Variants in CPNE8 observed in about 807,000 individuals in gnomAD.
CPNE8 encodes the protein copine 8.
In CPNE8, 45 loss-of-function variants were observed where a neutral mutation model predicts 81.5. The observed-to-expected ratio is 0.55, with a 90% CI of 0.44 to 0.71. The LOEUF (loss-of-function observed/expected upper bound fraction) is 0.71, where lower values mean the gene tolerates loss of function less well. Ranked by LOEUF, CPNE8 falls within the 30% of genes least tolerant of loss-of-function variation. The pLI, the probability that CPNE8 is intolerant of heterozygous loss-of-function variation, is 0.00. For missense variants in CPNE8, 594 were observed against 672.1 expected (o/e 0.88, Z 1.28); for synonymous variants, 252 against 226.3 (o/e 1.11, Z -1.02).
chr12:38,872,959 G>C, intron 3 of CPNE8, 45 bp downstream of exon 3: 3 of 1,066,170 alleles, frequency 2.8e-6, no homozygotes, highest in Non-Finnish European at 4.3e-6. Context: ...ATAACTTACT[G>C]TATCTTCAAG....
At chr12:38,819,657 CTCGGG>C in intron 6 of CPNE8, among the ~76,000 whole-genome samples, 1 of 150,896 alleles carries the variant, frequency 6.6e-6, no homozygotes, top group South Asian at 2.1e-4. Flanking sequence ...GTCCCAGCTA[CTCGGG>C]AGGCTGACGC....
intron 10 of CPNE8, among the ~76,000 whole-genome samples, chr12:38,757,762 AACTTAC>A (rs1303212360): frequency 3.3e-5 from 5 of 152,082 alleles, no homozygotes; most frequent in Non-Finnish European, 4.4e-5. Flanking sequence ...AAAGGTATTA[AACTTAC>A]ACTTACAAAA....
In CPNE8 at chr12:38,773,931, T is replaced by C. The variant is rs1325423220; in HGVS notation, c.471+2307A>G. Reference sequence around the variant, plus strand: ...AGGACATAGAAAACATAAGATGAAGTTACACCAAGATTTTAAACAATATTG... The same window carrying C: ...AGGACATAGAAAACATAAGATGAAGCTACACCAAGATTTTAAACAATATTG... On this transcript the variant is annotated intron_variant, in intron 7 of 19. Coordinates refer to ENST00000331366, the MANE Select transcript of CPNE8 (RefSeq NM_153634.3). Among the ~76,000 whole-genome samples, 3 of 152,158 alleles carry C rather than the reference T, an allele frequency of 2.0e-5. No individual in the cohort carries two copies. In the East Asian group the frequency reaches 5.8e-4, roughly 29 times the overall value.
intron 8 of CPNE8, among the ~76,000 whole-genome samples, chr12:38,764,796 T>C (rs1184459877): frequency 6.6e-6 from 1 of 152,088 alleles, no homozygotes; most frequent in Non-Finnish European, 1.5e-5. Context: ...TTCTAATATA[T>C]AGCAAGTCTT....
intron 5 of CPNE8, among the ~76,000 whole-genome samples, chr12:38,838,026 G>T (rs1015249051): frequency 7.9e-5 from 12 of 152,054 alleles, no homozygotes; most frequent in African/African-American, 2.9e-4. Flanking sequence ...CCATGTTTAA[G>T]GTACCTTCCT....
chr12:38,849,359 T>C (rs531805056), intron 3 of CPNE8, among the ~76,000 whole-genome samples: 4 of 152,182 alleles, frequency 2.6e-5, no homozygotes, highest in African/African-American at 9.6e-5. Flanking sequence ...CTCCCAAAGA[T>C]AGAGCACAAA....
At chr12:38,772,748 C>G (rs1758778659) in intron 7 of CPNE8, among the ~76,000 whole-genome samples, 1 of 152,138 alleles carries the variant, frequency 6.6e-6, no homozygotes, top group Non-Finnish European at 1.5e-5. Flanking sequence ...TATGATCCAG[C>G]AATCCCACTT....
chr12:38,899,830 C>T (rs11834267), intron 1 of CPNE8, among the ~76,000 whole-genome samples: 8,052 of 152,118 alleles, frequency 0.053, 686 homozygotes, highest in African/African-American at 0.18. Context: ...TTTGCCAATT[C>T]CCATGGTGTA....
chr12:38,727,704 G>A (rs1373364736), intron 11 of CPNE8, among the ~76,000 whole-genome samples: 1 of 151,766 alleles, frequency 6.6e-6, no homozygotes, highest in East Asian at 1.9e-4. Flanking sequence ...TATAATCTGA[G>A]GCAAGTAAGA....
chr12:38,855,169 A>C (rs2137069594), intron 3 of CPNE8, among the ~76,000 whole-genome samples: 1 of 152,210 alleles, frequency 6.6e-6, no homozygotes, highest in East Asian at 1.9e-4. Context: ...CAAAATACTA[A>C]GGAGTAAATT....
At chr12:38,827,088 G>A (rs1400159017) in intron 6 of CPNE8, among the ~76,000 whole-genome samples, 2 of 147,076 alleles carry the variant, frequency 1.4e-5, no homozygotes, top group East Asian at 4.0e-4. Flanking sequence ...GGCTGAGGCA[G>A]AAGAATCACT....
intron 10 of CPNE8, among the ~76,000 whole-genome samples, chr12:38,745,115 A>G (rs1306107521): frequency 6.6e-6 from 1 of 152,150 alleles, no homozygotes; most frequent in Non-Finnish European, 1.5e-5. Flanking sequence ...GCCTTCCACC[A>G]TATAATCTTG....
At chr12:38,905,215 A>G (rs375065082) in intron 1 of CPNE8, among the ~76,000 whole-genome samples, 17 of 152,244 alleles carry the variant, frequency 1.1e-4, no homozygotes, top group African/African-American at 3.6e-4. Context: ...AGCGTTTCCC[A>G]GAAAGAAAAT....
At chr12:38,781,475 T>C (rs1942051916) in intron 6 of CPNE8, among the ~76,000 whole-genome samples, 1 of 152,050 alleles carries the variant, frequency 6.6e-6, no homozygotes, top group Non-Finnish European at 1.5e-5. Context: ...ACTAATTCTA[T>C]TGAAAATCAG....
At chr12:38,888,125 AGCTCACATACT>A (rs1241090648) in intron 1 of CPNE8, among the ~76,000 whole-genome samples, 1 of 152,208 alleles carries the variant, frequency 6.6e-6, no homozygotes, top group East Asian at 1.9e-4. Context: ...ACCCAACATC[AGCTCACATACT>A]GCTGCCTTCC....
At chr12:38,874,940 C>T (rs191095894) in intron 1 of CPNE8, among the ~76,000 whole-genome samples, 3 of 152,140 alleles carry the variant, frequency 2.0e-5, no homozygotes, top group Admixed American at 6.5e-5. Flanking sequence ...CACGTTAGTC[C>T]ATATAATTAG....
chr12:38,698,968 T>C (rs60539249), intron 14 of CPNE8, among the ~76,000 whole-genome samples: 3,159 of 152,330 alleles, frequency 0.021, 105 homozygotes, highest in African/African-American at 0.071. Context: ...ATAAATTTCA[T>C]ATTAATTTCC....
chr12:38,806,124 T>A (rs377601628), intron 6 of CPNE8, among the ~76,000 whole-genome samples: 1 of 149,962 alleles, frequency 6.7e-6, no homozygotes, highest in African/African-American at 2.4e-5. Flanking sequence ...GCTTACCAAC[T>A]AAAAAGAGTC....
chr12:38,822,310 A>T (rs1397525897), intron 6 of CPNE8, among the ~76,000 whole-genome samples: 3 of 152,208 alleles, frequency 2.0e-5, no homozygotes, highest in African/African-American at 7.2e-5. Context: ...TACTGAAAAC[A>T]GACAAATAGT....
Sources: gnomAD v4.1 joint callset for allele counts (sites outside exome capture counted in the v4.1 genomes callset) on GRCh38, gnomAD v4.1.1 for gene constraint, MANE v1.5 for transcripts, NCBI Gene and HGNC (gene_info 2026-07-23, HGNC 2026-07-21) for gene names.